The following FBXW7 variants were observed in gnomAD, a reference collection of about 807,000 sequenced individuals.
FBXW7 encodes F-box and WD repeat domain containing 7, also known as F-box/WD repeat-containing protein 7.
FBXW7 carries 11 observed loss-of-function variants against 86.3 expected under a neutral mutation model. That is an observed-to-expected ratio of 0.13 (90% CI 0.08 to 0.21). FBXW7 has a LOEUF of 0.21. FBXW7 is among the 10% of genes least tolerant of loss of function. FBXW7 has a pLI of 1.00. For missense variants in FBXW7, 488 were observed against 847.4 expected (o/e 0.58, Z 5.27); for synonymous variants, 313 against 297.9 (o/e 1.05, Z -0.52).
chr4:152,535,248 T>G lies in FBXW7; in HGVS notation c.-334A>C. 1 of 224,880 alleles carries G rather than the reference T, an allele frequency of 4.4e-6. No homozygotes were observed. The highest frequency in any genetic ancestry group is 8.7e-6 in the Non-Finnish European group (1 of 115,258). The allele number at this position is 224,880 out of a possible 1,614,324, so 13.9% of individuals were successfully genotyped here. A position where few individuals can be genotyped will look rare whatever the true frequency, so the allele number is the denominator to read the frequency against. On this transcript the variant is annotated 5_prime_UTR_variant, in exon 1 of 14. Coordinates refer to ENST00000281708, the MANE Select transcript of FBXW7 (RefSeq NM_001349798.2). ...TTGTTTTTGTAAAGTTTCCTCTGGGTGGAGGCTGCGGCCGGCCCCCCGGGT... is the reference window on the plus strand; with the variant it reads ...TTGTTTTTGTAAAGTTTCCTCTGGGGGGAGGCTGCGGCCGGCCCCCCGGGT...
At chr4:152,362,080 A>C (rs1733014742) in intron 4 of FBXW7, among the ~76,000 whole-genome samples, 1 of 152,122 alleles carries the variant, frequency 6.6e-6, no homozygotes, top group Non-Finnish European at 1.5e-5. Flanking sequence ...TGAATATCAT[A>C]AGTTTCCCAC....
At position 152,322,725 on chromosome 4, in the gene FBXW7, G is replaced by A; in HGVS notation, c.*156C>T. ...TCATCTCTTCTTCTTTTCCTTCTTA[G>A]TCTGTAGGTCTTTTCAATCTGTTGC... On this transcript the variant is annotated 3_prime_UTR_variant, in exon 14 of 14. Coordinates refer to ENST00000281708, the MANE Select transcript of FBXW7 (RefSeq NM_001349798.2). The A allele has an allele frequency of 1.7e-6, 2 of 1,202,120 alleles. No individual in the cohort carries two copies. Among genetic ancestry groups the A allele is most frequent in the Non-Finnish European group, 2.2e-6 (2 of 889,458 alleles). 74.5% of individuals were successfully genotyped at this position (1,202,120 alleles called of 1,614,324 possible).
chr4:152,347,660 T>G (rs914047926), intron 5 of FBXW7, among the ~76,000 whole-genome samples: 1 of 152,136 alleles, frequency 6.6e-6, no homozygotes, highest in Non-Finnish European at 1.5e-5. Flanking sequence ...TGATTAGAAA[T>G]ACATTTATTC....
In FBXW7 at chr4:152,411,703, TTCA is replaced by T; in HGVS notation, c.98_100del (p.Met33del). 1 of 1,613,846 alleles carries T rather than the reference TTCA, an allele frequency of 6.2e-7. No individual in the cohort carries two copies. The highest frequency in any genetic ancestry group is 8.5e-7 in the Non-Finnish European group (1 of 1,179,846). On this transcript the variant is annotated inframe_deletion, in exon 4 of 14. Transcript: ENST00000281708. Reference sequence around the variant, plus strand: ...TTGCTGTTCCTCCTCTACCACACGATTCATCTGTTCTTCATCTACCTGGCTTGA... The same window carrying T: ...TTGCTGTTCCTCCTCTACCACACGATTCTGTTCTTCATCTACCTGGCTTGA...
At chr4:152,491,863 A>G (rs1447941639) in intron 2 of FBXW7, among the ~76,000 whole-genome samples, 2 of 152,138 alleles carry the variant, frequency 1.3e-5, no homozygotes, top group Non-Finnish European at 2.9e-5. Flanking sequence ...ACCTAACTCA[A>G]TTATTTCTAT....
chr4:152,481,862 T>G (rs752092735), intron 2 of FBXW7, among the ~76,000 whole-genome samples: 1 of 152,342 alleles, frequency 6.6e-6, no homozygotes, highest in East Asian at 1.9e-4. Flanking sequence ...AGAAAGTGAT[T>G]TCTTTAGATG....
At chr4:152,352,921 A>G (rs1578966234) in intron 4 of FBXW7, 5 of 1,428,386 alleles carry the variant, frequency 3.5e-6, no homozygotes, top group East Asian at 2.5e-5. Flanking sequence ...CAGACTGCAC[A>G]TCAATTATAT....
At chr4:152,342,986 C>A (rs1310035144) in intron 6 of FBXW7, among the ~76,000 whole-genome samples, 2 of 152,064 alleles carry the variant, frequency 1.3e-5, no homozygotes, top group Admixed American at 6.6e-5. Flanking sequence ...TTGGCACTAT[C>A]CTGTAGGTTT....
intron 2 of FBXW7, among the ~76,000 whole-genome samples, chr4:152,479,905 T>G (rs751578552): frequency 2.0e-5 from 3 of 152,184 alleles, no homozygotes; most frequent in African/African-American, 7.2e-5. Context: ...ATTGATGCTG[T>G]TGGCACAGAT....
chr4:152,378,502 A>G (rs546652275), intron 4 of FBXW7, among the ~76,000 whole-genome samples: 1 of 152,166 alleles, frequency 6.6e-6, no homozygotes, highest in Non-Finnish European at 1.5e-5. Context: ...TCTAAATACA[A>G]TATTTGTCTA....
intron 2 of FBXW7, among the ~76,000 whole-genome samples, chr4:152,507,173 T>C (rs1747505528): frequency 6.6e-6 from 1 of 152,050 alleles, no homozygotes; most frequent in Non-Finnish European, 1.5e-5. Context: ...AAAAGCCTAA[T>C]CAAAAAGGTA....
intron 4 of FBXW7, chr4:152,382,133 G>A: frequency 7.6e-7 from 1 of 1,308,468 alleles, no homozygotes. Context: ...CACTAAAAGA[G>A]GCCAAGGTAC....
intron 2 of FBXW7, among the ~76,000 whole-genome samples, chr4:152,524,340 C>T (rs778248006): frequency 7.2e-5 from 11 of 152,014 alleles, no homozygotes; most frequent in Non-Finnish European, 1.6e-4. Flanking sequence ...ACAAAGCTAG[C>T]GAAATAGAGT....
rs929261762 is a variant in FBXW7 at position 152,321,270 on chromosome 4, AC to A, written c.*1610del. ...GAAACAGGCATACTAACATGAAAAA[AC>A]ACATTTTATTGCACTTAAGTTATAA... On this transcript the variant is annotated 3_prime_UTR_variant, in exon 14 of 14. Coordinates refer to ENST00000281708, the MANE Select transcript of FBXW7 (RefSeq NM_001349798.2). 2 of 231,880 alleles carry A rather than the reference AC, an allele frequency of 8.6e-6. No homozygotes were observed. The highest frequency in any genetic ancestry group is 4.4e-5 in the African/African-American group (2 of 45,236). The allele number at this position is 231,880 out of a possible 1,614,324, so 14.4% of individuals were successfully genotyped here.
At chr4:152,529,912 C>T (rs966823738) in intron 2 of FBXW7, among the ~76,000 whole-genome samples, 1 of 151,648 alleles carries the variant, frequency 6.6e-6, no homozygotes, top group Non-Finnish European at 1.5e-5. Flanking sequence ...AAAAATTAGT[C>T]GGGCATGGTG....
intron 6 of FBXW7, among the ~76,000 whole-genome samples, chr4:152,340,394 G>A (rs936953266): frequency 1.3e-5 from 2 of 151,684 alleles, no homozygotes; most frequent in Non-Finnish European, 2.9e-5. Flanking sequence ...TGGCTAACAT[G>A]GTGAAACCCC....
Position 152,332,686 on chromosome 4 carries a change from T to C in FBXW7, c.895A>G (p.Lys299Glu), listed in dbSNP as rs750051282. ...ALYVLSFLEP[K>E]DLLQAAQTCR... ...GTCTGAGCTGCTTGTAGCAGGTCTT[T>C]GGGTTCCAGGAATGAAAGCACATAG... Residue 299 changes from lysine (K) to glutamate (E), a missense_variant, in exon 8 of 14, where the codon AAA becomes GAA. Transcript: ENST00000281708. The C allele has an allele frequency of 6.3e-7, 1 of 1,599,824 alleles. No individual in the cohort carries two copies. Among genetic ancestry groups the C allele is most frequent in the Non-Finnish European group, 8.5e-7 (1 of 1,171,060 alleles).
intron 4 of FBXW7, among the ~76,000 whole-genome samples, chr4:152,385,270 A>C (rs1735431624): frequency 6.6e-6 from 1 of 152,066 alleles, no homozygotes; most frequent in Non-Finnish European, 1.5e-5. Context: ...AATATATTCT[A>C]CGAGTTTAAC....
At chr4:152,481,734 C>A (rs1744898122) in intron 2 of FBXW7, among the ~76,000 whole-genome samples, 1 of 152,120 alleles carries the variant, frequency 6.6e-6, no homozygotes, top group African/African-American at 2.4e-5. Context: ...GAAATCACTG[C>A]AGATGTGATA....
Sources: allele counts gnomAD v4.1 joint callset (sites outside exome capture counted in the v4.1 genomes callset), GRCh38; gene constraint gnomAD v4.1.1; transcripts MANE v1.5; gene names NCBI Gene and HGNC (gene_info 2026-07-23, HGNC 2026-07-21).